GABRB3: variants seen among roughly 807,000 people sequenced by gnomAD.
GABRB3 encodes gamma-aminobutyric acid type A receptor subunit beta3.
GABRB3 carries 14 observed loss-of-function variants against 52.1 expected under a neutral mutation model. That is an observed-to-expected ratio of 0.27 (90% CI 0.18 to 0.42). The LOEUF is 0.42. Ranked by LOEUF, GABRB3 falls within the 10% of genes least tolerant of loss-of-function variation. The pLI is 1.00. For synonymous variants in GABRB3, 260 were observed against 232.3 expected, an observed-to-expected ratio of 1.12 and a Z score of -1.08; for missense variants, 307 against 609.1, an observed-to-expected ratio of 0.50 and a Z score of 5.22.
At chr15:26,726,701 C>T (rs1203274756) in intron 3 of GABRB3, among the ~76,000 whole-genome samples, 1 of 152,166 alleles carries the variant, frequency 6.6e-6, no homozygotes, top group Non-Finnish European at 1.5e-5. Flanking sequence ...AGGAGGGACA[C>T]GATGTCTCTT....
intron 3 of GABRB3, among the ~76,000 whole-genome samples, chr15:26,692,425 C>G (rs1888615797): frequency 6.6e-6 from 1 of 151,946 alleles, no homozygotes; most frequent in Non-Finnish European, 1.5e-5. Context: ...ACAAAGATCT[C>G]CTTTATATTT....
chr15:26,692,978 G>T (rs1025760690), intron 3 of GABRB3, among the ~76,000 whole-genome samples: 1 of 152,162 alleles, frequency 6.6e-6, no homozygotes, highest in Non-Finnish European at 1.5e-5. Context: ...GTTACACAAA[G>T]GATTGAGGGA....
intron 3 of GABRB3, among the ~76,000 whole-genome samples, chr15:26,643,764 C>A (rs896396439): frequency 1.3e-5 from 2 of 152,268 alleles, no homozygotes; most frequent in East Asian, 1.9e-4. Flanking sequence ...CCAACAAACA[C>A]TACTGGTGAC....
intron 3 of GABRB3, among the ~76,000 whole-genome samples, chr15:26,745,514 T>C (rs747618297): frequency 5.3e-4 from 80 of 152,110 alleles, no homozygotes; most frequent in Admixed American, 1.1e-3. Flanking sequence ...GGAACAGCTA[T>C]AGGTCTATGC....
chr15:26,695,883 A>C (rs1888723860), intron 3 of GABRB3, among the ~76,000 whole-genome samples: 1 of 152,212 alleles, frequency 6.6e-6, no homozygotes, highest in African/African-American at 2.4e-5. Flanking sequence ...CAGTAAATCC[A>C]AGGAAACTGT....
At chr15:26,567,065 T>C (rs1409868415) in intron 7 of GABRB3, among the ~76,000 whole-genome samples, 1 of 152,234 alleles carries the variant, frequency 6.6e-6, no homozygotes, top group Non-Finnish European at 1.5e-5. Context: ...ATAATACATA[T>C]TGTACATCAG....
rs1334822719 is a variant in GABRB3 at position 26,543,897 on chromosome 15, C to G, written c.*3896G>C. ...CACTCTCTGGAAGGTCATTGTTTAC[C>G]CAGGTGTTGGGAATTTAGTATTTCA... On this transcript the variant is annotated 3_prime_UTR_variant, in exon 9 of 9. Transcript: ENST00000311550. 2.0e-5 allele frequency: 3 copies of G among 152,492 alleles called. No individual in the cohort carries two copies. Among genetic ancestry groups the G allele is most frequent in the Non-Finnish European group, 4.4e-5 (3 of 68,028 alleles). 9.4% of individuals were successfully genotyped at this position (152,492 alleles called of 1,614,324 possible).
rs199817520 is a variant in GABRB3, at chr15:26,753,215, G to C, written c.240+19187C>G. Among the ~76,000 whole-genome samples, 4 of 152,238 alleles carry C rather than the reference G, an allele frequency of 2.6e-5. No individual in the cohort carries two copies. The East Asian group carries it at 5.8e-4, about 22-fold the overall frequency. Reference sequence around the variant, plus strand: ...TTAGTGTCCCGTCACCGCAGACACTGGCTCCAGTTACCCCTTCACGACACA... The same window carrying C: ...TTAGTGTCCCGTCACCGCAGACACTCGCTCCAGTTACCCCTTCACGACACA... On this transcript the variant is annotated intron_variant, in intron 3 of 8. Coordinates refer to ENST00000311550, the MANE Select transcript of GABRB3 (RefSeq NM_000814.6).
At chr15:26,589,445 C>G (rs1176913895) in intron 4 of GABRB3, among the ~76,000 whole-genome samples, 1 of 152,150 alleles carries the variant, frequency 6.6e-6, no homozygotes, top group African/African-American at 2.4e-5. Flanking sequence ...ATCTCTTCCC[C>G]CATTTGTATG....
chr15:26,730,039 A>G (rs554131858), intron 3 of GABRB3, among the ~76,000 whole-genome samples: 16 of 152,350 alleles, frequency 1.1e-4, no homozygotes, highest in Admixed American at 7.2e-4. Context: ...GTCAGGCAGA[A>G]GCAATATCAT....
intron 4 of GABRB3, among the ~76,000 whole-genome samples, chr15:26,584,964 T>TA (rs1361444077): frequency 6.6e-6 from 1 of 152,048 alleles, no homozygotes; most frequent in African/African-American, 2.4e-5. Flanking sequence ...ACAGTAAAGA[T>TA]AAGAGTGGAA....
chr15:26,744,889 G>T (rs370963642), intron 3 of GABRB3, among the ~76,000 whole-genome samples: 1 of 152,126 alleles, frequency 6.6e-6, no homozygotes, highest in African/African-American at 2.4e-5. Flanking sequence ...AACCATTTTT[G>T]CATTGCTATA....
At chr15:26,600,256 A>C (rs1891539698) in intron 4 of GABRB3, among the ~76,000 whole-genome samples, 1 of 152,096 alleles carries the variant, frequency 6.6e-6, no homozygotes, top group Non-Finnish European at 1.5e-5. Context: ...GAACATCATC[A>C]AGAGACTAAA....
chr15:26,670,441 G>A (rs537869439), intron 3 of GABRB3, among the ~76,000 whole-genome samples: 1 of 152,172 alleles, frequency 6.6e-6, no homozygotes, highest in Non-Finnish European at 1.5e-5. Context: ...GGCGCGGGAG[G>A]CTGGGCGCAG....
intron 3 of GABRB3, among the ~76,000 whole-genome samples, chr15:26,643,576 A>T (rs971180715): frequency 1.8e-5 from 1 of 55,582 alleles, no homozygotes; most frequent in Non-Finnish European, 3.5e-5. Context: ...TTCTCTTTGA[A>T]CAAGGAGAAC....
At chr15:26,654,895 C>T (rs978354381) in intron 3 of GABRB3, among the ~76,000 whole-genome samples, 3 of 152,060 alleles carry the variant, frequency 2.0e-5, no homozygotes, top group South Asian at 2.1e-4. Context: ...TACAACAGCA[C>T]GATCACGGCT....
In GABRB3 at chr15:26,719,454, G is replaced by A. The variant is rs75706139; in HGVS notation, c.240+52948C>T. Among the ~76,000 whole-genome samples the A allele has an allele frequency of 3.8e-3, 583 of 152,276 alleles. 4 individuals carry two copies. In the East Asian group the frequency reaches 0.046, roughly 12 times the overall value. ...ACAATGATTCAAACAATTGTCAATC[G>A]TTCCTAAAATTATTATTCAAATTTT... On this transcript the variant is annotated intron_variant, in intron 3 of 8. Coordinates refer to ENST00000311550, the MANE Select transcript of GABRB3 (RefSeq NM_000814.6).
chr15:26,611,482 CA>C (rs1461435247), intron 4 of GABRB3, among the ~76,000 whole-genome samples: 3 of 151,952 alleles, frequency 2.0e-5, no homozygotes, highest in African/African-American at 7.3e-5. Flanking sequence ...TAAAATACGC[CA>C]AAGAAGATGT....
chr15:26,737,881 G>A (rs934087498), intron 3 of GABRB3, among the ~76,000 whole-genome samples: 17 of 151,946 alleles, frequency 1.1e-4, no homozygotes, highest in Non-Finnish European at 4.4e-5. Context: ...ATATTCTATC[G>A]TTTCAATATA....
Sources: allele counts gnomAD v4.1 joint callset (sites outside exome capture counted in the v4.1 genomes callset), GRCh38; gene constraint gnomAD v4.1.1; transcripts MANE v1.5; gene names NCBI Gene and HGNC (gene_info 2026-07-23, HGNC 2026-07-21).